P2RY12: variants seen among roughly 807,000 people sequenced by gnomAD.
P2RY12 encodes the protein purinergic receptor P2Y12.
Under a neutral mutation model 4.5 loss-of-function variants are expected in P2RY12, and 3 were observed. The ratio of observed to expected loss-of-function variants is 0.67; its 90% confidence interval spans 0.31 to 1.74. The LOEUF is 1.74. Ranked by LOEUF, P2RY12 falls within the 40% of genes most tolerant of loss-of-function variation. The pLI is 0.09. For synonymous variants in P2RY12, 148 were observed against 154.1 expected, an observed-to-expected ratio of 0.96 and a Z score of 0.29; for missense variants, 356 against 407.8, an observed-to-expected ratio of 0.87 and a Z score of 1.09.
intron 1 of P2RY12, chr3:151,379,967 G>C (rs551177244): frequency 8.3e-5 from 45 of 541,254 alleles, no homozygotes; most frequent in Non-Finnish European, 1.1e-4. Flanking sequence ...TTTATAAGTA[G>C]AGGTATGATT....
intron 1 of P2RY12, among the ~76,000 whole-genome samples, chr3:151,378,393 C>A (rs1474837284): frequency 6.6e-6 from 1 of 152,158 alleles, no homozygotes; most frequent in African/African-American, 2.4e-5. Flanking sequence ...ATATCCAAAT[C>A]ACTGCTGAAC....
At chr3:151,379,755 A>G (rs1560102995) in intron 1 of P2RY12, among the ~76,000 whole-genome samples, 3 of 152,306 alleles carry the variant, frequency 2.0e-5, no homozygotes, top group Non-Finnish European at 2.9e-5. Context: ...AAAATTTTTA[A>G]TTTTATCCTG....
intron 1 of P2RY12, among the ~76,000 whole-genome samples, chr3:151,371,815 T>G (rs180893061): frequency 3.9e-5 from 6 of 152,234 alleles, no homozygotes; most frequent in Non-Finnish European, 7.3e-5. Context: ...AATATGATAG[T>G]TATTTGTCTC....
At chr3:151,369,594 T>C (rs1309334561) in intron 1 of P2RY12, 4 of 1,247,188 alleles carry the variant, frequency 3.2e-6, no homozygotes, top group Non-Finnish European at 4.6e-6. Context: ...TCACCAGAAA[T>C]GAAGGCAAAA....
At chr3:151,360,357 A>C in intron 1 of P2RY12, 1 of 886,048 alleles carries the variant, frequency 1.1e-6, no homozygotes, top group Non-Finnish European at 1.7e-6. Flanking sequence ...ATTAGTTTCA[A>C]CAATCCAATA....
intron 1 of P2RY12, among the ~76,000 whole-genome samples, chr3:151,382,185 C>G (rs959712740): frequency 6.6e-6 from 1 of 151,526 alleles, no homozygotes; most frequent in East Asian, 1.9e-4. Flanking sequence ...ACCGTGCGTT[C>G]TCTTTATCAA....
At chr3:151,355,701 T>C (rs1753828432) in intron 1 of P2RY12, among the ~76,000 whole-genome samples, 1 of 152,244 alleles carries the variant, frequency 6.6e-6, no homozygotes, top group Non-Finnish European at 1.5e-5. Context: ...ACTTTTTGTA[T>C]TTTTTAAAAT....
intron 1 of P2RY12, chr3:151,377,968 G>C: frequency 6.6e-7 from 1 of 1,524,066 alleles, no homozygotes; most frequent in Non-Finnish European, 8.9e-7. Context: ...TGAGAGCAGG[G>C]GAAAGGATGC....
At chr3:151,380,194 C>T in intron 1 of P2RY12, 2 of 1,608,564 alleles carry the variant, frequency 1.2e-6, no homozygotes, top group Non-Finnish European at 1.7e-6. Context: ...GGGAAGGCCT[C>T]CTAACATCTC....
intron 1 of P2RY12, among the ~76,000 whole-genome samples, chr3:151,381,265 C>G (rs1463725577): frequency 6.6e-6 from 1 of 152,156 alleles, no homozygotes; most frequent in Non-Finnish European, 1.5e-5. Flanking sequence ...GACACTTAAT[C>G]TTATTTGATC....
chr3:151,382,657 T>C, intron 1 of P2RY12: 8 of 1,604,232 alleles, frequency 5.0e-6, no homozygotes, highest in Non-Finnish European at 6.8e-6. Context: ...GGATCTTAGA[T>C]TTTAAGTAAC....
chr3:151,372,732 A>G (rs775657657), intron 1 of P2RY12: 1 of 1,613,848 alleles, frequency 6.2e-7, no homozygotes, highest in Non-Finnish European at 8.5e-7. Flanking sequence ...TTAAGAGAAT[A>G]CGCTAGATAT....
intron 1 of P2RY12, chr3:151,378,189 G>A (rs780796528): frequency 1.3e-6 from 2 of 1,587,276 alleles, no homozygotes; most frequent in Non-Finnish European, 1.7e-6. Context: ...GCTGGAAGAT[G>A]GGCGTCTGTG....
chr3:151,373,282 T>C (rs2108027387), intron 1 of P2RY12, among the ~76,000 whole-genome samples: 1 of 152,308 alleles, frequency 6.6e-6, no homozygotes, highest in East Asian at 1.9e-4. Flanking sequence ...TCTTGAGTTC[T>C]TTCAGGTAAT....
At chr3:151,382,857 C>T in intron 1 of P2RY12, 1 of 741,496 alleles carries the variant, frequency 1.3e-6, no homozygotes, top group East Asian at 2.8e-5. Context: ...TGAGGCCTTC[C>T]ACTCTTTGCT....
At chr3:151,373,094 C>T (rs962293141) in intron 1 of P2RY12, among the ~76,000 whole-genome samples, 3 of 152,216 alleles carry the variant, frequency 2.0e-5, no homozygotes, top group Admixed American at 6.5e-5. Flanking sequence ...TATTTCATAA[C>T]ATAACCAAAA....
rs190448762 is a variant in P2RY12, at chr3:151,352,731, A to T, written c.-179-11971T>A. Among the ~76,000 whole-genome samples the T allele has an allele frequency of 4.8e-4, 73 of 152,340 alleles. 1 individual carries two copies. The South Asian group carries it at 0.012, about 26-fold the overall frequency. ...AAATAACATTTCCAGTTGAATGATC[A>T]AAGTTCATTTTTCATTTGCCTTGAC... On this transcript the variant is annotated intron_variant, in intron 1 of 2. Coordinates refer to ENST00000302632, the MANE Select transcript of P2RY12 (RefSeq NM_022788.5).
intron 1 of P2RY12, among the ~76,000 whole-genome samples, chr3:151,343,271 A>C (rs150425642): frequency 1.0e-3 from 159 of 152,346 alleles, no homozygotes; most frequent in African/African-American, 3.4e-3. Context: ...TTAACAAATC[A>C]ATCTGCCATA....
chr3:151,360,590 T>G, intron 1 of P2RY12: 2 of 1,612,328 alleles, frequency 1.2e-6, no homozygotes, highest in Non-Finnish European at 1.7e-6. Context: ...AGAAGTAAAT[T>G]TGGAGACCTC....
Sources: allele counts gnomAD v4.1 joint callset (sites outside exome capture counted in the v4.1 genomes callset), GRCh38; gene constraint gnomAD v4.1.1; transcripts MANE v1.5; gene names NCBI Gene and HGNC (gene_info 2026-07-23, HGNC 2026-07-21).